The following TLL1 variants were observed in gnomAD, a reference collection of about 807,000 sequenced individuals.
The protein encoded by TLL1 is tolloid like 1, also known as tolloid-like protein 1.
In TLL1, 49 loss-of-function variants were observed where a neutral mutation model predicts 128.2. The ratio of observed to expected loss-of-function variants is 0.38; its 90% CI spans 0.30 to 0.48. TLL1 has a LOEUF of 0.48. Ranked by LOEUF, TLL1 falls within the 20% of genes least tolerant of loss-of-function variation. The pLI, the probability that TLL1 is intolerant of heterozygous loss-of-function variation, is 0.96. For missense variants in TLL1, 1,123 were observed against 1,242.0 expected (o/e 0.90, Z 1.44); for synonymous variants, 454 against 418.8 (o/e 1.08, Z -1.03).
At chr4:165,904,991 TAGAC>T (rs1257784986) in intron 1 of TLL1, among the ~76,000 whole-genome samples, 2 of 152,206 alleles carry the variant, frequency 1.3e-5, no homozygotes, top group African/African-American at 4.8e-5. Context: ...ACGTCTCAGA[TAGAC>T]AGACCATTAG....
chr4:165,989,236 T>C (rs1736524625), intron 1 of TLL1, 145 bp from the exon 2 acceptor site: 3 of 642,668 alleles, frequency 4.7e-6, no homozygotes. Flanking sequence ...ACAGGTCCAG[T>C]GCATTCAGTT....
At chr4:165,981,375 A>G (rs900006472) in intron 1 of TLL1, among the ~76,000 whole-genome samples, 1 of 152,240 alleles carries the variant, frequency 6.6e-6, no homozygotes, top group Admixed American at 6.5e-5. Flanking sequence ...TTTTGCTGTG[A>G]ATAATTTAAG....
chr4:165,891,383 T>C (rs1731395795), intron 1 of TLL1, among the ~76,000 whole-genome samples: 1 of 152,204 alleles, frequency 6.6e-6, no homozygotes, highest in Non-Finnish European at 1.5e-5. Context: ...CTCCAAACTT[T>C]TATGCTCTGC....
At chr4:166,084,720 A>G (rs1741425161) in intron 18 of TLL1, among the ~76,000 whole-genome samples, 1 of 152,084 alleles carries the variant, frequency 6.6e-6, no homozygotes, top group Non-Finnish European at 1.5e-5. Flanking sequence ...TGGACTCACT[A>G]TTCTGTTTTA....
At chr4:166,090,206 GAC>G (rs1445517904) in intron 18 of TLL1, among the ~76,000 whole-genome samples, 1 of 23,558 alleles carries the variant, frequency 4.2e-5, no homozygotes, top group Non-Finnish European at 2.1e-4. Flanking sequence ...TTCTTCTATA[GAC>G]TTAAGTAGGA....
chr4:165,883,811 A>C (rs964694398), intron 1 of TLL1, among the ~76,000 whole-genome samples: 34 of 152,200 alleles, frequency 2.2e-4, no homozygotes, highest in African/African-American at 8.0e-4. Flanking sequence ...ACCTTGTTTT[A>C]AAAGATACCA....
chr4:166,088,485 A>G (rs111262778), intron 18 of TLL1, among the ~76,000 whole-genome samples: 8,789 of 152,076 alleles, frequency 0.058, 428 homozygotes, highest in African/African-American at 0.12. Context: ...TATACAAGGG[A>G]CAGACTTCCG....
rs77389653 is a variant in TLL1 at position 166,058,024 on chromosome 4, T to C, written c.1846+715T>C. ...AAATCTACATCTAGACCTAGATTTATATCCATCCCTCCTTTCATCCATCCA... is the reference window on the plus strand; with the variant it reads ...AAATCTACATCTAGACCTAGATTTACATCCATCCCTCCTTTCATCCATCCA... On this transcript the variant is annotated intron_variant, in intron 14 of 20. Coordinates refer to ENST00000061240, the MANE Select transcript of TLL1 (RefSeq NM_012464.5). Among the ~76,000 whole-genome samples, 365 of 152,312 alleles carry C rather than the reference T, an allele frequency of 2.4e-3. 1 individual carries two copies. The highest frequency in any genetic ancestry group is 8.3e-3 in the African/African-American group (343 of 41,572).
intron 1 of TLL1, among the ~76,000 whole-genome samples, chr4:165,986,732 G>A (rs1189725274): frequency 6.6e-6 from 1 of 151,980 alleles, no homozygotes; most frequent in African/African-American, 2.4e-5. Context: ...CTTCTGTGAA[G>A]TGACTTATCC....
chr4:165,944,822 T>C (rs1034236580), intron 1 of TLL1, among the ~76,000 whole-genome samples: 4 of 152,066 alleles, frequency 2.6e-5, no homozygotes, highest in Non-Finnish European at 5.9e-5. Flanking sequence ...GGCTACACAT[T>C]AGGGGTAGTA....
intron 1 of TLL1, among the ~76,000 whole-genome samples, chr4:165,934,281 C>T (rs977542305): frequency 2.0e-5 from 3 of 150,670 alleles, no homozygotes; most frequent in Non-Finnish European, 2.9e-5. Context: ...TCCCAAAGTG[C>T]TGGGATTACG....
Position 166,042,237 on chromosome 4 carries a change from T to A in TLL1, c.1378+94T>A, listed in dbSNP as rs527432963. 5 of 845,582 alleles carry A rather than the reference T, an allele frequency of 5.9e-6. 1 individual carries two copies. In the Middle Eastern group the frequency reaches 1.2e-3, roughly 206 times the overall value. The allele number at this position is 845,582 out of a possible 1,614,324, so 52.4% of individuals were successfully genotyped here. ...CATTACAATGACATTGTGACCATAT[T>A]GTAAAATTATGAATTTTTCTGAATC... On this transcript the variant is annotated intron_variant, in intron 11 of 20. Transcript: ENST00000061240.
chr4:166,085,301 C>G (rs184150552), intron 18 of TLL1, among the ~76,000 whole-genome samples: 5 of 150,352 alleles, frequency 3.3e-5, no homozygotes, highest in Admixed American at 3.3e-4. Context: ...CTGTCTAGGA[C>G]CTCCGGTACT....
chr4:166,040,155 G>A (rs1029419268), intron 10 of TLL1, among the ~76,000 whole-genome samples: 7 of 152,140 alleles, frequency 4.6e-5, no homozygotes, highest in Admixed American at 1.3e-4. Context: ...TTCTGAGATT[G>A]TAACTTTTTC....
intron 18 of TLL1, among the ~76,000 whole-genome samples, chr4:166,082,824 C>T (rs1369147951): frequency 2.0e-5 from 3 of 151,860 alleles, no homozygotes; most frequent in Non-Finnish European, 4.4e-5. Context: ...ATTACAGGCG[C>T]CTGCCACCAC....
At chr4:165,888,382 C>G (rs917118923) in intron 1 of TLL1, among the ~76,000 whole-genome samples, 1 of 152,026 alleles carries the variant, frequency 6.6e-6, no homozygotes, top group African/African-American at 2.4e-5. Context: ...ATTAACCTAC[C>G]TTGCATTCCT....
At chr4:165,977,316 T>G (rs908137345) in intron 1 of TLL1, among the ~76,000 whole-genome samples, 1 of 152,102 alleles carries the variant, frequency 6.6e-6, no homozygotes, top group Non-Finnish European at 1.5e-5. Flanking sequence ...TGAGATCTGA[T>G]GGTTTTATAA....
At chr4:166,094,443 TAA>T (rs1741926977) in intron 19 of TLL1, among the ~76,000 whole-genome samples, 1 of 152,000 alleles carries the variant, frequency 6.6e-6, no homozygotes, top group East Asian at 1.9e-4. Flanking sequence ...TCAAAATATA[TAA>T]GTGACTAGGC....
intron 12 of TLL1, among the ~76,000 whole-genome samples, chr4:166,045,405 A>G (rs1014312435): frequency 1.4e-4 from 21 of 152,052 alleles, no homozygotes; most frequent in Admixed American, 3.9e-4. Context: ...TTTTCTCTTA[A>G]GCCCTGCAGC....
Sources: gnomAD v4.1 joint callset for allele counts (sites outside exome capture counted in the v4.1 genomes callset) on GRCh38, gnomAD v4.1.1 for gene constraint, MANE v1.5 for transcripts, NCBI Gene and HGNC (gene_info 2026-07-23, HGNC 2026-07-21) for gene names.